ADAMTSL1: variants seen among roughly 807,000 people sequenced by gnomAD.
ADAMTSL1 encodes the protein ADAMTS like 1.
In ADAMTSL1, 126 loss-of-function variants were observed where a neutral mutation model predicts 201.8. That is an observed-to-expected ratio of 0.62 (90% CI 0.54 to 0.72). The LOEUF is 0.72. ADAMTSL1 is among the 30% of genes least tolerant of loss of function. The pLI is 0.00. For missense variants in ADAMTSL1, 2,679 were observed against 2,277.8 expected, an observed-to-expected ratio of 1.18 and a Z score of -3.59; for synonymous variants, 1,121 against 903.4, an observed-to-expected ratio of 1.24 and a Z score of -4.32.
chr9:18,407,102 A>T (rs751182563), intron 2 of ADAMTSL1, among the ~76,000 whole-genome samples: 1 of 152,212 alleles, frequency 6.6e-6, no homozygotes, highest in Non-Finnish European at 1.5e-5. Flanking sequence ...TGTCCAATGG[A>T]GCCCATATTC....
upstream of ADAMTSL1, among the ~76,000 whole-genome samples, chr9:18,469,473 C>G (rs139968483): frequency 1.3e-5 from 2 of 152,320 alleles, no homozygotes; most frequent in African/African-American, 4.8e-5. Flanking sequence ...TAACACATAA[C>G]ATTTGAGTTA....
chr9:17,988,312 C>T (rs1030396819), intron 1 of ADAMTSL1, among the ~76,000 whole-genome samples: 1 of 151,988 alleles, frequency 6.6e-6, no homozygotes, highest in Non-Finnish European at 1.5e-5. Context: ...CTCTATTGAC[C>T]TTATTGCTGT....
intron 4 of ADAMTSL1, among the ~76,000 whole-genome samples, chr9:18,614,353 G>A (rs16936905): frequency 0.24 from 36,268 of 152,112 alleles, 5,143 homozygotes; most frequent in East Asian, 0.48. Flanking sequence ...GCTCATTGAT[G>A]ACACAGTGCT....
intron 2 of ADAMTSL1, among the ~76,000 whole-genome samples, chr9:18,185,860 A>AG (rs1828708763): frequency 1.7e-3 from 1 of 576 alleles, no homozygotes; most frequent in African/African-American, 2.0e-3. Context: ...TACAATTGGG[A>AG]AAAAAGTTTC....
chr9:18,048,631 A>G (rs1298941679), intron 1 of ADAMTSL1, among the ~76,000 whole-genome samples: 4 of 152,246 alleles, frequency 2.6e-5, no homozygotes, highest in Admixed American at 2.0e-4. Flanking sequence ...CAAATCTAAA[A>G]TTATTCTAAA....
chr9:18,219,917 G>T (rs1830194557), intron 2 of ADAMTSL1, among the ~76,000 whole-genome samples: 1 of 151,742 alleles, frequency 6.6e-6, no homozygotes, highest in Admixed American at 6.6e-5. Context: ...CTATAGACTT[G>T]CTTTGATTTT....
At chr9:18,486,523 G>T (rs1229522114) in intron 1 of ADAMTSL1, among the ~76,000 whole-genome samples, 1 of 152,132 alleles carries the variant, frequency 6.6e-6, no homozygotes, top group African/African-American at 2.4e-5. Flanking sequence ...GGGCAACATG[G>T]CAAAACCTCA....
intron 1 of ADAMTSL1, among the ~76,000 whole-genome samples, chr9:18,028,727 T>A (rs1820805951): frequency 6.6e-6 from 1 of 152,180 alleles, no homozygotes; most frequent in African/African-American, 2.4e-5. Context: ...TGGCTTAGGA[T>A]TGACTTGGCA....
At chr9:18,718,681 T>A (rs1289763634) in intron 14 of ADAMTSL1, among the ~76,000 whole-genome samples, 2 of 152,086 alleles carry the variant, frequency 1.3e-5, no homozygotes, top group Non-Finnish European at 2.9e-5. Context: ...CTGGGCGAGG[T>A]TTGGCATTGT....
intron 1 of ADAMTSL1, among the ~76,000 whole-genome samples, chr9:18,119,857 A>G (rs1388348938): frequency 6.6e-6 from 1 of 152,142 alleles, no homozygotes; most frequent in Non-Finnish European, 1.5e-5. Context: ...AAACATCCGA[A>G]TCTATTACAT....
At chr9:18,185,442 G>T (rs1420408266) in intron 2 of ADAMTSL1, among the ~76,000 whole-genome samples, 1 of 152,110 alleles carries the variant, frequency 6.6e-6, no homozygotes, top group Non-Finnish European at 1.5e-5. Context: ...GCCTTGCAAA[G>T]CACCTGGCCA....
chr9:18,221,897 T>G (rs948900907), intron 2 of ADAMTSL1, among the ~76,000 whole-genome samples: 10 of 152,082 alleles, frequency 6.6e-5, no homozygotes, highest in Admixed American at 5.9e-4. Context: ...TGTTAGAATT[T>G]CCCACCATTA....
intron 15 of ADAMTSL1, among the ~76,000 whole-genome samples, chr9:18,732,178 A>G (rs980993900): frequency 5.3e-5 from 8 of 152,198 alleles, no homozygotes; most frequent in African/African-American, 1.2e-4. Context: ...AGGAAACCAT[A>G]TGATATAGAC....
chr9:18,106,523 C>T (rs546411616), intron 1 of ADAMTSL1, among the ~76,000 whole-genome samples: 1 of 152,298 alleles, frequency 6.6e-6, no homozygotes, highest in South Asian at 2.1e-4. Flanking sequence ...ATAAGCAGGG[C>T]ATACTATTGT....
intron 1 of ADAMTSL1, among the ~76,000 whole-genome samples, chr9:18,027,017 T>A (rs1820725908): frequency 6.6e-6 from 1 of 152,068 alleles, no homozygotes; most frequent in Non-Finnish European, 1.5e-5. Context: ...TAATAGTCTC[T>A]GAGGATCTAT....
chr9:18,776,226 C>A (rs575940135), intron 18 of ADAMTSL1, among the ~76,000 whole-genome samples: 1 of 152,234 alleles, frequency 6.6e-6, no homozygotes, highest in African/African-American at 2.4e-5. Flanking sequence ...TTAAACGACT[C>A]TAAACAGATT....
intron 3 of ADAMTSL1, among the ~76,000 whole-genome samples, chr9:18,570,481 G>T (rs957349294): frequency 6.6e-6 from 1 of 152,166 alleles, no homozygotes; most frequent in Non-Finnish European, 1.5e-5. Flanking sequence ...TTCAAACAAA[G>T]AATGTTTGCC....
chr9:18,385,893 T>G (rs1353422912), intron 2 of ADAMTSL1, among the ~76,000 whole-genome samples: 1 of 152,230 alleles, frequency 6.6e-6, no homozygotes, highest in Non-Finnish European at 1.5e-5. Flanking sequence ...GTAAATGATG[T>G]GAGAATGTCG....
intron 23 of ADAMTSL1, among the ~76,000 whole-genome samples, chr9:18,853,630 G>C (rs1278112003): frequency 6.6e-6 from 1 of 152,164 alleles, no homozygotes. Context: ...GATTCAGGAA[G>C]GGCTATTATC....
Sources: allele counts gnomAD v4.1 joint callset (sites outside exome capture counted in the v4.1 genomes callset), GRCh38; gene constraint gnomAD v4.1.1; transcripts MANE v1.5; gene names NCBI Gene and HGNC (gene_info 2026-07-23, HGNC 2026-07-21).